CIPC: variants seen among roughly 807,000 people sequenced by gnomAD.
The protein encoded by CIPC is CLOCK-interacting pacemaker.
Under a neutral mutation model 26.7 loss-of-function variants are expected in CIPC, and 12 were observed. The ratio of observed to expected loss-of-function variants is 0.45; its 90% CI spans 0.29 to 0.73. CIPC has a LOEUF of 0.73. Ranked by LOEUF, CIPC falls within the 30% of genes least tolerant of loss-of-function variation. The probability of loss-of-function intolerance (pLI) is 0.12; values close to 1 mark genes in which losing one functional copy is unlikely to be tolerated. For synonymous variants in CIPC, 170 were observed against 189.8 expected (o/e 0.90, Z 0.86); for missense variants, 417 against 486.5 (o/e 0.86, Z 1.34).
chr14:77,103,864 C>A (rs1886541260), intron 1 of CIPC, among the ~76,000 whole-genome samples: 1 of 151,886 alleles, frequency 6.6e-6, no homozygotes, highest in African/African-American at 2.4e-5. Context: ...CACCCAACTC[C>A]CTTCTGTGCA....
intron 1 of CIPC, among the ~76,000 whole-genome samples, chr14:77,099,507 G>T (rs1203652369): frequency 6.6e-6 from 1 of 152,194 alleles, no homozygotes; most frequent in Admixed American, 6.5e-5. Flanking sequence ...TGACTTCGGA[G>T]AAAAGCTAGT....
At position 77,115,243 on chromosome 14, in the gene CIPC, T is replaced by G. The variant is rs969660909; in HGVS notation, c.*925T>G. On this transcript the variant is annotated 3_prime_UTR_variant, in exon 4 of 4. Transcript: ENST00000361786. ...TAAGTTAACTCTGCTGCCATCTTGT[T>G]TTTTTTTTTTTTCCTTTATTTTGAT... 1.0e-3 allele frequency: 21 copies of G among 20,352 alleles called. No individual in the cohort carries two copies. In the East Asian group the frequency reaches 0.022, roughly 21 times the overall value. The allele number at this position is 20,352 out of a possible 1,614,324, so 1.3% of individuals were successfully genotyped here.
intron 2 of CIPC, among the ~76,000 whole-genome samples, chr14:77,106,518 C>T (rs964064379): frequency 7.9e-5 from 12 of 151,958 alleles, no homozygotes; most frequent in African/African-American, 2.7e-4. Flanking sequence ...TTTTATTTCC[C>T]GCTCTGAGGG....
Position 77,113,770 on chromosome 14 carries a change from C to G in CIPC, c.652C>G (p.Pro218Ala). 5 of 1,613,472 alleles carry G rather than the reference C, an allele frequency of 3.1e-6. No individual in the cohort carries two copies. Among genetic ancestry groups the G allele is most frequent in the Non-Finnish European group, 4.2e-6 (5 of 1,179,544 alleles). The change falls in exon 4 of 4, where the codon CCC becomes GCC. Residue 218 changes from proline to alanine, a missense_variant. By Grantham distance (27) the Pro-to-Ala change is conservative (BLOSUM62 -1). Coordinates refer to ENST00000361786, the MANE Select transcript of CIPC (RefSeq NM_033426.3). The part of the protein sequence containing the change: ...VPSSPSTPAP[P>A]SAKLAEDSAL... ...ATCCAGTCCCTCGACGCCAGCACCACCCAGCGCCAAACTTGCCGAGGACTC... is the reference window on the plus strand; with the variant it reads ...ATCCAGTCCCTCGACGCCAGCACCAGCCAGCGCCAAACTTGCCGAGGACTC...
At chr14:77,107,650 ACACACACACT>A (rs949858481) in intron 2 of CIPC, among the ~76,000 whole-genome samples, 15 of 136,106 alleles carry the variant, frequency 1.1e-4, no homozygotes, top group African/African-American at 3.7e-4. Flanking sequence ...ACACACACAC[ACACACACACT>A]CTCTCTCTGA....
intron 2 of CIPC, 116 bp downstream of exon 2, chr14:77,105,960 A>T: frequency 1.7e-6 from 2 of 1,199,500 alleles, no homozygotes; most frequent in Non-Finnish European, 2.3e-6. Context: ...CAGGATAAAT[A>T]CTTACCTGCT....
intron 1 of CIPC, among the ~76,000 whole-genome samples, chr14:77,101,935 A>C (rs544217062): frequency 7.2e-5 from 11 of 152,132 alleles, no homozygotes; most frequent in African/African-American, 2.7e-4. Flanking sequence ...AAAATTTAAA[A>C]ATTAGCTGGG....
intron 2 of CIPC, among the ~76,000 whole-genome samples, chr14:77,106,917 T>C (rs2140029789): frequency 6.6e-6 from 1 of 152,260 alleles, no homozygotes; most frequent in South Asian, 2.1e-4. Context: ...CCTTTGGATT[T>C]TTCTTCTCTC....
In CIPC at chr14:77,115,767, C is replaced by A. The variant is rs1470523124; in HGVS notation, c.*1449C>A. 6.6e-6 allele frequency: 1 copy of A among 151,304 alleles called. No homozygotes were observed. Among genetic ancestry groups the A allele is most frequent in the East Asian group, 1.9e-4 (1 of 5,152 alleles). The allele number at this position is 151,304 out of a possible 1,614,324, so 9.4% of individuals were successfully genotyped here. A position where few individuals can be genotyped will look rare whatever the true frequency, so the allele number is the denominator to read the frequency against. ...ATGGTGGGATCTCGGCTCACTGCAA[C>A]CTCCGCCTCCTGGGTTCAAGTGATT... On this transcript the variant is annotated 3_prime_UTR_variant, in exon 4 of 4. Coordinates refer to ENST00000361786, the MANE Select transcript of CIPC (RefSeq NM_033426.3).
intron 1 of CIPC, among the ~76,000 whole-genome samples, chr14:77,105,042 T>G (rs918723570): frequency 2.6e-5 from 4 of 152,198 alleles, no homozygotes; most frequent in African/African-American, 9.7e-5. Context: ...CTCTTTATTA[T>G]ATATGATTTT....
intron 2 of CIPC, among the ~76,000 whole-genome samples, chr14:77,107,259 C>G (rs1172894197): frequency 6.6e-6 from 1 of 152,156 alleles, no homozygotes; most frequent in Admixed American, 6.5e-5. Context: ...TCTATTATTT[C>G]CAGTACTGTT....
At chr14:77,105,613 T>C in intron 1 of CIPC, 44 bp from the exon 2 acceptor site, 1 of 1,352,916 alleles carries the variant, frequency 7.4e-7, no homozygotes, top group Admixed American at 2.2e-5. Context: ...ATCACCTGTT[T>C]CAGCTCTCCA....
At position 77,108,578 on chromosome 14, in the gene CIPC, C is replaced by G. The variant is rs966039798; in HGVS notation, c.137-1234C>G. Among the ~76,000 whole-genome samples the G allele has an allele frequency of 2.6e-5, 4 of 152,042 alleles. No homozygotes were observed. In the South Asian group the frequency reaches 8.3e-4, roughly 31 times the overall value. On this transcript the variant is annotated intron_variant, in intron 2 of 3. Coordinates refer to ENST00000361786, the MANE Select transcript of CIPC (RefSeq NM_033426.3). ...TGATGGTGCATTCCTGTAATCCCAG[C>G]TGCTCGGGAGGCTGAGGCAGGAGAA... is the stretch of plus-strand genomic sequence containing the variant.
At position 77,114,259 on chromosome 14, in the gene CIPC, C is replaced by G. The variant is rs1051232757; in HGVS notation, c.1141C>G (p.Pro381Ala). The G allele has an allele frequency of 5.6e-6, 9 of 1,613,872 alleles. No homozygotes were observed. In the Admixed American group the frequency reaches 8.3e-5, roughly 15 times the overall value. Residue 381 changes from proline to alanine, a missense_variant, in exon 4 of 4, where the codon CCT becomes GCT. By Grantham distance (27) the Pro-to-Ala change is conservative. Transcript: ENST00000361786. ...AWAKLQASLTPGSSNTGSDLE... is the reference protein window; with the variant it reads ...AWAKLQASLTAGSSNTGSDLE... Reference sequence around the variant, plus strand: ...GGCCAAGCTGCAGGCATCTTTAACACCTGGGTCCAGTAATACAGGCAGTGA... The same window carrying G: ...GGCCAAGCTGCAGGCATCTTTAACAGCTGGGTCCAGTAATACAGGCAGTGA...
chr14:77,100,960 A>G (rs1886471715), intron 1 of CIPC, among the ~76,000 whole-genome samples: 1 of 152,222 alleles, frequency 6.6e-6, no homozygotes, highest in Non-Finnish European at 1.5e-5. Flanking sequence ...AAGAGGCCCA[A>G]TTAGGGTAAA....
chr14:77,112,470 A>G (rs191504611), intron 3 of CIPC, among the ~76,000 whole-genome samples: 1 of 152,260 alleles, frequency 6.6e-6, no homozygotes, highest in East Asian at 1.9e-4. Flanking sequence ...AGTTTTTTCG[A>G]CTTTCTAAGC....
chr14:77,113,503 T>C lies in CIPC; in HGVS notation c.385T>C (p.Phe129Leu), dbSNP rs1416868574. The C allele has an allele frequency of 8.7e-6, 14 of 1,614,064 alleles. No homozygotes were observed. The highest frequency in any genetic ancestry group is 1.3e-5 in the African/African-American group (1 of 74,916). The change falls in exon 4 of 4, where the codon TTC (phenylalanine) becomes CTC (leucine). Residue 129 changes from phenylalanine (F) to leucine (L), a missense_variant. Physicochemically the swap from Phe to Leu is conservative, Grantham distance 22. Coordinates refer to ENST00000361786, the MANE Select transcript of CIPC (RefSeq NM_033426.3). The part of the protein sequence containing the change: ...EVISAQPQLL[F>L]LHPPVPSPVS... ...GATCTCAGCACAGCCACAGCTCTTA[T>C]TCCTTCATCCACCTGTACCATCTCC...
intron 3 of CIPC, among the ~76,000 whole-genome samples, chr14:77,112,709 T>A (rs1405339085): frequency 6.6e-6 from 1 of 150,420 alleles, no homozygotes; most frequent in Non-Finnish European, 1.5e-5. Flanking sequence ...CTGTTTTTTT[T>A]TGTTGTTGTT....
At chr14:77,113,063 G>A (rs551894480) in intron 3 of CIPC, among the ~76,000 whole-genome samples, 10 of 152,226 alleles carry the variant, frequency 6.6e-5, no homozygotes, top group African/African-American at 2.4e-4. Flanking sequence ...GAGGTTCCAG[G>A]TGTGACTAAA....
Sources: allele counts gnomAD v4.1 joint callset (sites outside exome capture counted in the v4.1 genomes callset), GRCh38; gene constraint gnomAD v4.1.1; transcripts MANE v1.5; gene names NCBI Gene and HGNC (gene_info 2026-07-23, HGNC 2026-07-21).